The following FRMD4B variants were observed in gnomAD, a reference collection of about 807,000 sequenced individuals.
The protein encoded by FRMD4B is FERM domain-containing protein 4B.
Under a neutral mutation model 141.5 loss-of-function variants are expected in FRMD4B, and 74 were observed. The ratio of observed to expected loss-of-function variants is 0.52; its 90% CI spans 0.43 to 0.63. FRMD4B has a LOEUF of 0.63. Ranked by LOEUF, FRMD4B falls within the 30% of genes least tolerant of loss-of-function variation. FRMD4B has a pLI of 0.00. For synonymous variants in FRMD4B, 506 were observed against 467.9 expected, an observed-to-expected ratio of 1.08 and a Z score of -1.05; for missense variants, 1,366 against 1,253.4, an observed-to-expected ratio of 1.09 and a Z score of -1.36.
At chr3:69,512,637 C>T (rs966635941) in intron 1 of FRMD4B, among the ~76,000 whole-genome samples, 1 of 152,058 alleles carries the variant, frequency 6.6e-6, no homozygotes, top group Non-Finnish European at 1.5e-5. Context: ...TTCCTCATTT[C>T]CTAGTCAACG....
intron 1 of FRMD4B, among the ~76,000 whole-genome samples, chr3:69,477,893 G>T (rs1316865950): frequency 6.6e-6 from 1 of 151,320 alleles, no homozygotes; most frequent in Non-Finnish European, 1.5e-5. Flanking sequence ...CCTGTTATTG[G>T]TCTATTCAGA....
chr3:69,169,375 T>C lies in FRMD4B; in HGVS notation c.*2486A>G, dbSNP rs57501693. Among the ~76,000 whole-genome samples the C allele has an allele frequency of 0.023, 2,899 of 124,516 alleles. 274 individuals are homozygous for C. Among genetic ancestry groups the C allele is most frequent in the African/African-American group, 0.056 (1,927 of 34,342 alleles). 81.7% of individuals were successfully genotyped at this position (124,516 alleles called of 152,430 possible). A position where few individuals can be genotyped will look rare whatever the true frequency, so the allele number is the denominator to read the frequency against. ...TTTCTTTTTTTTTTTTTTTTTTTTT[T>C]CTTGAGACAAGGTCTGTTATTGCCT... On this transcript the variant is annotated 3_prime_UTR_variant, in exon 23 of 23. Coordinates refer to ENST00000398540, the MANE Select transcript of FRMD4B (RefSeq NM_015123.3).
chr3:69,318,774 A>C (rs189143417), intron 1 of FRMD4B, among the ~76,000 whole-genome samples: 1 of 152,364 alleles, frequency 6.6e-6, no homozygotes, highest in African/African-American at 2.4e-5. Context: ...AGGTAATGCC[A>C]CATAATTAAA....
At chr3:69,534,105 G>C (rs1575603341) in intron 1 of FRMD4B, among the ~76,000 whole-genome samples, 1 of 152,158 alleles carries the variant, frequency 6.6e-6, no homozygotes, top group Non-Finnish European at 1.5e-5. Context: ...ATCCCCAAGT[G>C]GTTTGTGTGC....
At chr3:69,329,410 C>T (rs1000689502) in intron 1 of FRMD4B, among the ~76,000 whole-genome samples, 3 of 151,770 alleles carry the variant, frequency 2.0e-5, no homozygotes, top group Middle Eastern at 3.2e-3. Flanking sequence ...AGTGCAGTAG[C>T]GCAATCTCTG....
chr3:69,473,702 G>A (rs1158346869), intron 1 of FRMD4B, among the ~76,000 whole-genome samples: 1 of 152,108 alleles, frequency 6.6e-6, no homozygotes, highest in Non-Finnish European at 1.5e-5. Context: ...TTTTAATAAT[G>A]AGTTTAATAC....
intron 1 of FRMD4B, among the ~76,000 whole-genome samples, chr3:69,444,762 C>T (rs757066864): frequency 2.6e-5 from 4 of 152,150 alleles, no homozygotes; most frequent in Admixed American, 6.5e-5. Flanking sequence ...CTCATCTCCA[C>T]GAACATAAAG....
chr3:69,190,794 G>A (rs976038269), intron 17 of FRMD4B, among the ~76,000 whole-genome samples: 3 of 152,190 alleles, frequency 2.0e-5, no homozygotes, highest in Admixed American at 1.3e-4. Flanking sequence ...GAGATGTCCT[G>A]TGCATTATAG....
intron 3 of FRMD4B, among the ~76,000 whole-genome samples, chr3:69,310,949 A>G (rs1406020387): frequency 3.9e-5 from 6 of 152,208 alleles, no homozygotes; most frequent in Non-Finnish European, 8.8e-5. Context: ...TATTTCTACC[A>G]TATAAGCTAA....
intron 1 of FRMD4B, among the ~76,000 whole-genome samples, chr3:69,456,647 C>CA (rs1333107204): frequency 6.6e-6 from 1 of 151,692 alleles, no homozygotes. Flanking sequence ...ATTGTATACA[C>CA]CACTGTCTAT....
At chr3:69,453,926 A>T (rs927897589) in intron 1 of FRMD4B, among the ~76,000 whole-genome samples, 4 of 152,104 alleles carry the variant, frequency 2.6e-5, no homozygotes, top group African/African-American at 9.7e-5. Flanking sequence ...CCCCATAAGA[A>T]CTTGGTATCT....
At chr3:69,310,770 A>T (rs972683602) in intron 3 of FRMD4B, among the ~76,000 whole-genome samples, 2 of 152,224 alleles carry the variant, frequency 1.3e-5, no homozygotes, top group Admixed American at 1.3e-4. Flanking sequence ...AAAAAAAAGA[A>T]AAAGATAGTT....
rs763862160 is a variant in FRMD4B at position 69,177,647 on chromosome 3, C to T, written c.2852-991G>A. Among the ~76,000 whole-genome samples the T allele has an allele frequency of 3.6e-4, 54 of 152,074 alleles. 1 individual carries two copies. The highest frequency in any genetic ancestry group is 4.9e-4 in the Non-Finnish European group (33 of 68,008). On this transcript the variant is annotated intron_variant, in intron 21 of 22. Transcript: ENST00000398540. ...CCTGGGCCACCAAGTGAGATCCTAT[C>T]CCAAGAAAGAAAATAATAATAACAC...
chr3:69,416,738 T>G (rs1020847735), intron 2 of FRMD4B, among the ~76,000 whole-genome samples: 1 of 152,158 alleles, frequency 6.6e-6, no homozygotes, highest in Non-Finnish European at 1.5e-5. Flanking sequence ...TGTGTGATGT[T>G]CCCTTCCCTG....
chr3:69,511,571 C>G (rs1706688443), intron 1 of FRMD4B, among the ~76,000 whole-genome samples: 1 of 152,198 alleles, frequency 6.6e-6, no homozygotes, highest in Non-Finnish European at 1.5e-5. Flanking sequence ...ACAGCCCCAG[C>G]TGTCGCTCCT....
intron 9 of FRMD4B, among the ~76,000 whole-genome samples, chr3:69,220,009 T>C (rs1322614262): frequency 6.6e-6 from 1 of 152,234 alleles, no homozygotes; most frequent in African/African-American, 2.4e-5. Context: ...TATTTTCTTA[T>C]CCAGTCTATC....
At chr3:69,330,214 C>T (rs906864719) in intron 1 of FRMD4B, among the ~76,000 whole-genome samples, 11 of 151,070 alleles carry the variant, frequency 7.3e-5, no homozygotes, top group African/African-American at 2.7e-4. Context: ...TCCTGCTCTC[C>T]TTCTGAATTT....
At chr3:69,207,106 C>A (rs138677021) in intron 11 of FRMD4B, among the ~76,000 whole-genome samples, 88 of 151,540 alleles carry the variant, frequency 5.8e-4, no homozygotes, top group African/African-American at 2.0e-3. Flanking sequence ...AGTTCAAGAC[C>A]AGCTTGGGCA....
chr3:69,437,570 TTA>T (rs1705278260), intron 1 of FRMD4B, among the ~76,000 whole-genome samples: 2 of 141,908 alleles, frequency 1.4e-5, no homozygotes, highest in Admixed American at 1.4e-4. Flanking sequence ...ATATGTACTA[TTA>T]TATATCAGTA....
Sources: allele counts gnomAD v4.1 joint callset (sites outside exome capture counted in the v4.1 genomes callset), GRCh38; gene constraint gnomAD v4.1.1; transcripts MANE v1.5; gene names NCBI Gene and HGNC (gene_info 2026-07-23, HGNC 2026-07-21).